Variants in ELF5 observed in about 807,000 individuals in gnomAD.
The protein encoded by ELF5 is E74 like ETS transcription factor 5.
In ELF5, 31 loss-of-function variants were observed where a neutral mutation model predicts 38.2. The observed-to-expected ratio is 0.81, with a 90% confidence interval of 0.61 to 1.10. The LOEUF (loss-of-function observed/expected upper bound fraction) is 1.10. ELF5 is among the 50% of genes least tolerant of loss of function. ELF5 has a pLI of 0.00. For missense variants in ELF5, 300 were observed against 306.6 expected (o/e 0.98, Z 0.16); for synonymous variants, 121 against 112.5 (o/e 1.08, Z -0.48).
intron 1 of ELF5, chr11:34,511,634 C>T: frequency 1.2e-6 from 2 of 1,601,220 alleles, no homozygotes; most frequent in Non-Finnish European, 8.6e-7. Flanking sequence ...GCTCACACAC[C>T]AAATGCACAC....
At chr11:34,495,947 T>G (rs939952442) in intron 2 of ELF5, among the ~76,000 whole-genome samples, 1 of 152,348 alleles carries the variant, frequency 6.6e-6, no homozygotes, top group East Asian at 1.9e-4. Context: ...TTTATGAGCC[T>G]TGACATTTTT....
Position 34,505,636 on chromosome 11 carries a change from A to T in ELF5, c.114T>A (p.His38Gln). ...SNEEYYPAFE[H>Q]QTACDSYWTS... ...TCCTTCAAATGTACGCACCTGTCTG[A>T]TGCTCAAAGGCAGGGTAGTACTCTT... The change falls in exon 2 of 7, where the codon CAT (histidine) becomes CAA (glutamine). Residue 38 changes from histidine to glutamine, a missense_variant. By Grantham distance (24) the His-to-Gln change is conservative (BLOSUM62 0). Coordinates refer to ENST00000257832, the MANE Select transcript of ELF5 (RefSeq NM_001422.4). The T allele has an allele frequency of 5.0e-6, 8 of 1,613,868 alleles. No homozygotes were observed. Among genetic ancestry groups the T allele is most frequent in the Non-Finnish European group, 6.8e-6 (8 of 1,179,850 alleles).
chr11:34,503,219 C>A (rs543679448), intron 2 of ELF5, among the ~76,000 whole-genome samples: 2 of 152,270 alleles, frequency 1.3e-5, no homozygotes, highest in African/African-American at 2.4e-5. Context: ...AGTGCAGTGG[C>A]ATACTCACAG....
chr11:34,480,273 C>G lies in ELF5; in HGVS notation c.713G>C (p.Arg238Thr). 1 of 1,614,026 alleles carries G rather than the reference C, an allele frequency of 6.2e-7. No individual in the cohort carries two copies. Among genetic ancestry groups the G allele is most frequent in the African/African-American group, 1.3e-5 (1 of 74,982 alleles). Residue 238 changes from arginine to threonine, a missense_variant, in exon 7 of 7, where the codon AGG becomes ACG. Physicochemically the swap from Arg to Thr is moderately conservative, Grantham distance 71. Transcript: ENST00000257832. Reference protein sequence around the residue: ...KTGILERVDRRLVYKFGKNAH... With the variant: ...KTGILERVDRTLVYKFGKNAH... ...ATTTTTTCCAAATTTGTACACTAAC[C>G]TTCGGTCAACCCGCTCCAAAATTCC... is the stretch of plus-strand genomic sequence containing the variant.
chr11:34,496,397 G>A (rs955327852), intron 2 of ELF5, among the ~76,000 whole-genome samples: 2 of 145,462 alleles, frequency 1.4e-5, no homozygotes, highest in Non-Finnish European at 3.0e-5. Context: ...TTTTCCGGGG[G>A]TCCCATCCTC....
At chr11:34,488,954 G>T (rs1009403638) in intron 4 of ELF5, among the ~76,000 whole-genome samples, 2 of 152,162 alleles carry the variant, frequency 1.3e-5, no homozygotes, top group African/African-American at 4.8e-5. Context: ...GATCACAAGG[G>T]ATTCTACCAG....
chr11:34,493,449 C>G (rs974683178), intron 3 of ELF5, 30 bp downstream of exon 3: 6 of 1,599,852 alleles, frequency 3.8e-6, no homozygotes, highest in African/African-American at 1.3e-5. Context: ...CTGGTCCCTC[C>G]CCTGGAGGTC....
At chr11:34,484,338 T>C (rs1857016937) in intron 4 of ELF5, among the ~76,000 whole-genome samples, 1 of 151,776 alleles carries the variant, frequency 6.6e-6, no homozygotes, top group East Asian at 1.9e-4. Flanking sequence ...TATTCTACTG[T>C]ACATACTGTA....
intron 2 of ELF5, among the ~76,000 whole-genome samples, chr11:34,497,360 C>T (rs1407712868): frequency 6.6e-6 from 1 of 152,168 alleles, no homozygotes; most frequent in Non-Finnish European, 1.5e-5. Flanking sequence ...TCTGAATGCC[C>T]ATAGGTCACT....
chr11:34,481,649 G>C (rs892332590), intron 5 of ELF5, among the ~76,000 whole-genome samples: 2 of 152,176 alleles, frequency 1.3e-5, no homozygotes, highest in Non-Finnish European at 2.9e-5. Flanking sequence ...AGCCACAACT[G>C]TCTGGGTGGA....
intron 2 of ELF5, among the ~76,000 whole-genome samples, chr11:34,496,534 C>A (rs772875238): frequency 6.6e-6 from 1 of 152,230 alleles, no homozygotes; most frequent in South Asian, 2.1e-4. Context: ...CTTCCCACAG[C>A]GACTTCTCTT....
At position 34,500,555 on chromosome 11, in the gene ELF5, G is replaced by A. The variant is rs185476519; in HGVS notation, c.121+5074C>T. Among the ~76,000 whole-genome samples the A allele has an allele frequency of 1.2e-4, 18 of 152,320 alleles. No individual in the cohort carries two copies. The East Asian group carries it at 2.5e-3, about 21-fold the overall frequency. On this transcript the variant is annotated intron_variant, in intron 2 of 6. Coordinates refer to ENST00000257832, the MANE Select transcript of ELF5 (RefSeq NM_001422.4). ...GCAAAGTAGCCATGGCCTTGGGAGC[G>A]TGGAGTTAGGAAGGGGCCAAGAGAG...
chr11:34,484,623 G>A (rs1849939271), intron 4 of ELF5, among the ~76,000 whole-genome samples: 1 of 151,990 alleles, frequency 6.6e-6, no homozygotes, highest in Non-Finnish European at 1.5e-5. Flanking sequence ...GCCCCACACT[G>A]CTGCTTAGGG....
At chr11:34,482,530 G>C in intron 4 of ELF5, 31 bp from the exon 5 acceptor site, 1 of 1,560,282 alleles carries the variant, frequency 6.4e-7, no homozygotes, top group Non-Finnish European at 8.7e-7. Flanking sequence ...GCAGTGGAAA[G>C]GGATATAGAG....
intron 2 of ELF5, among the ~76,000 whole-genome samples, chr11:34,501,165 C>T (rs1405251970): frequency 6.6e-6 from 1 of 152,218 alleles, no homozygotes; most frequent in Non-Finnish European, 1.5e-5. Context: ...CCCAGCCTCA[C>T]TGTGCTCTAC....
At chr11:34,494,144 C>T (rs1850256158) in intron 2 of ELF5, among the ~76,000 whole-genome samples, 1 of 152,152 alleles carries the variant, frequency 6.6e-6, no homozygotes, top group African/African-American at 2.4e-5. Context: ...TCAGTTTCCT[C>T]ATCTGTAAAA....
rs139088487 is a variant in ELF5 at position 34,509,999 on chromosome 11, A to C, written c.-5+3678T>G. ...CTCTCAAAAGTCATTGGGTATTAACAAAAAAAAAGGTCATTTGGTAAATTG... is the reference window on the plus strand; with the variant it reads ...CTCTCAAAAGTCATTGGGTATTAACCAAAAAAAAGGTCATTTGGTAAATTG... On this transcript the variant is annotated intron_variant, in intron 1 of 6. Coordinates refer to ENST00000257832, the MANE Select transcript of ELF5 (RefSeq NM_001422.4). Among the ~76,000 whole-genome samples, 358 of 151,744 alleles carry C rather than the reference A, an allele frequency of 2.4e-3. 3 individuals carry two copies. The highest frequency in any genetic ancestry group is 8.2e-3 in the African/African-American group (338 of 41,386).
intron 1 of ELF5, 44 bp from the exon 2 acceptor site, chr11:34,505,797 T>A (rs2133900762): frequency 1.3e-6 from 2 of 1,598,644 alleles, no homozygotes; most frequent in East Asian, 4.5e-5. Context: ...GGTGAGGTAC[T>A]CCTGAAGCCA....
intron 1 of ELF5, among the ~76,000 whole-genome samples, chr11:34,513,385 A>G (rs1049791033): frequency 6.6e-6 from 1 of 152,260 alleles, no homozygotes; most frequent in Non-Finnish European, 1.5e-5. Flanking sequence ...AGGATAGAGA[A>G]CTGAGCGCCT....
Sources: gnomAD v4.1 joint callset for allele counts (sites outside exome capture counted in the v4.1 genomes callset) on GRCh38, gnomAD v4.1.1 for gene constraint, MANE v1.5 for transcripts, NCBI Gene and HGNC (gene_info 2026-07-23, HGNC 2026-07-21) for gene names.